The following ARHGEF1 variants were observed in gnomAD, a reference collection of about 807,000 sequenced individuals.
ARHGEF1 encodes 115 kDa guanine nucleotide exchange factor.
In ARHGEF1, 40 loss-of-function variants were observed where a neutral mutation model predicts 119.7. The ratio of observed to expected loss-of-function variants is 0.33; its 90% CI spans 0.26 to 0.44. ARHGEF1 has a LOEUF of 0.44. Ranked by LOEUF, ARHGEF1 falls within the 20% of genes least tolerant of loss-of-function variation. The pLI is 1.00. For synonymous variants in ARHGEF1, 494 were observed against 521.0 expected (o/e 0.95, Z 0.71); for missense variants, 976 against 1,268.3 (o/e 0.77, Z 3.50).
chr19:41,913,791 C>T (rs2074768979), intron 18 of ARHGEF1, among the ~76,000 whole-genome samples: 1 of 149,394 alleles, frequency 6.7e-6, no homozygotes, highest in African/African-American at 2.5e-5. Context: ...CCTCTTATGG[C>T]GCCTCCCCTC....
chr19:41,890,366 GC>G (rs1555845994), intron 4 of ARHGEF1: 2 of 151,342 alleles, frequency 1.3e-5, no homozygotes, highest in Non-Finnish European at 2.9e-5. Context: ...AAAAAGTGGG[GC>G]CGGGCATGGT....
intron 1 of ARHGEF1, chr19:41,884,537 A>G: frequency 1.2e-6 from 2 of 1,601,786 alleles, no homozygotes; most frequent in Non-Finnish European, 1.7e-6. Flanking sequence ...CTGACTCTGC[A>G]CGTCCTCCCC....
chr19:41,919,271 C>T (rs2145901603), upstream of ARHGEF1, among the ~76,000 whole-genome samples: 1 of 152,250 alleles, frequency 6.6e-6, no homozygotes, highest in East Asian at 1.9e-4. Flanking sequence ...CACAGGGTGA[C>T]ACCAGAAACA....
intron 18 of ARHGEF1, among the ~76,000 whole-genome samples, chr19:41,915,138 A>G (rs1454124058): frequency 1.2e-4 from 2 of 16,594 alleles, no homozygotes; most frequent in Admixed American, 4.8e-4. Flanking sequence ...CCCCGCCCCC[A>G]CCCCCTATTG....
At chr19:41,898,684 T>C in intron 14 of ARHGEF1, 97 bp downstream of exon 14, 1 of 1,424,460 alleles carries the variant, frequency 7.0e-7, no homozygotes, top group South Asian at 1.4e-5. Context: ...CTTGGTGTCA[T>C]TTACCATCGG....
chr19:41,922,741 G>C (rs532484646), upstream of ARHGEF1, among the ~76,000 whole-genome samples: 1 of 152,168 alleles, frequency 6.6e-6, no homozygotes, highest in African/African-American at 2.4e-5. Context: ...GGCTGGGGGG[G>C]ACTCAGGGCT....
chr19:41,910,814 G>A (rs1393160489), downstream of ARHGEF1, among the ~76,000 whole-genome samples: 1 of 152,090 alleles, frequency 6.6e-6, no homozygotes, highest in Non-Finnish European at 1.5e-5. This position sits in a 1 kb window ranked among gnomAD's most constrained non-coding sequence, Gnocchi z 4.4. Context: ...TGGGACACAG[G>A]CACACCGGAG....
At chr19:41,923,964 G>A (rs1327254813) in intron 1 of ARHGEF1, among the ~76,000 whole-genome samples, 1 of 89,828 alleles carries the variant, frequency 1.1e-5, no homozygotes, top group Non-Finnish European at 2.3e-5. Context: ...CTGTGCTGGG[G>A]GGAGGTAGGG....
downstream of ARHGEF1, among the ~76,000 whole-genome samples, chr19:41,910,504 G>A (rs554763264): frequency 7.9e-5 from 12 of 152,138 alleles, no homozygotes; most frequent in Admixed American, 1.3e-4. The surrounding 1 kb of genome is among the most constrained non-coding windows in gnomAD (Gnocchi z 4.4). Flanking sequence ...TGTACCCTGC[G>A]GTGCCCTCAG....
intron 1 of ARHGEF1, chr19:41,884,351 TG>T: frequency 7.0e-7 from 1 of 1,437,716 alleles, no homozygotes; most frequent in African/African-American, 1.4e-5. Context: ...CTAGAGCGGC[TG>T]GCAGGAGGAG....
At position 41,904,141 on chromosome 19, in the gene ARHGEF1, G is replaced by A. The variant is rs1555849625; in HGVS notation, c.1993+31G>A. On this transcript the variant is annotated intron_variant, in intron 21 of 28. Transcript: ENST00000354532. The surrounding 1 kb of genome is among the most constrained non-coding windows in gnomAD (Gnocchi z 8.4). ...TGCCAGAGCAGCTGCCTAGTGCAGGGTGTTGGGGCAGTGAGCCAAGGGCGG... is the reference window on the plus strand; with the variant it reads ...TGCCAGAGCAGCTGCCTAGTGCAGGATGTTGGGGCAGTGAGCCAAGGGCGG... The A allele has an allele frequency of 6.2e-7, 1 of 1,613,950 alleles. No homozygotes were observed. Among genetic ancestry groups the A allele is most frequent in the Admixed American group, 1.7e-5 (1 of 60,034 alleles).
Position 41,883,994 on chromosome 19 carries a change from AGG to A in ARHGEF1, c.-20+708_-20+709del, listed in dbSNP as rs1207872586. Among the ~76,000 whole-genome samples, 1 of 152,062 alleles carries A rather than the reference AGG, an allele frequency of 6.6e-6. No individual in the cohort carries two copies. Among genetic ancestry groups the A allele is most frequent in the African/African-American group, 2.4e-5 (1 of 41,408 alleles). ...CTATTGCTTTTCCGGTTCCAAAGGA[AGG>A]GGCTGGGGGTGGGAGACGGAGGGGA... On this transcript the variant is annotated intron_variant, in intron 1 of 28. Coordinates refer to ENST00000354532, the MANE Select transcript of ARHGEF1 (RefSeq NM_004706.4). The surrounding 1 kb of genome is among the most constrained non-coding windows in gnomAD (Gnocchi z 7.6).
intron 1 of ARHGEF1, chr19:41,884,302 G>A: frequency 1.0e-6 from 1 of 974,672 alleles, no homozygotes; most frequent in South Asian, 1.5e-5. Context: ...CCGGCGGGAG[G>A]AGTAGAGTCG....
At chr19:41,920,156 A>G (rs1421658630), upstream of ARHGEF1, among the ~76,000 whole-genome samples, 6 of 122,748 alleles carry the variant, frequency 4.9e-5, no homozygotes, top group Admixed American at 8.2e-5. Flanking sequence ...ACACGCCCAG[A>G]CATGATGCAC....
Position 41,896,862 on chromosome 19 carries a change from TAC to T in ARHGEF1, c.1121+381_1121+382del, listed in dbSNP as rs1555847827. On this transcript the variant is annotated intron_variant, in intron 13 of 28. Transcript: ENST00000354532. ...CTCACCTCCCCCCTCCTCTCTCACCTACCCCCTCCTCTCACCTCCCCGCTCCT... is the reference window on the plus strand; with the variant it reads ...CTCACCTCCCCCCTCCTCTCTCACCTCCCCTCCTCTCACCTCCCCGCTCCT... 1.6e-3 allele frequency: 362 copies of T among 232,830 alleles called. 7 individuals are homozygous for T. The highest frequency in any genetic ancestry group is 0.014 in the African/African-American group (141 of 10,244). 14.4% of individuals were successfully genotyped at this position (232,830 alleles called of 1,614,324 possible). A position where few individuals can be genotyped will look rare whatever the true frequency, so the allele number is the denominator to read the frequency against.
chr19:41,888,132 G>A lies in ARHGEF1; in HGVS notation c.24+26G>A, dbSNP rs149497626. 61 of 1,613,932 alleles carry A rather than the reference G, an allele frequency of 3.8e-5. No individual in the cohort carries two copies. In the African/African-American group the frequency reaches 7.6e-4, roughly 20 times the overall value. ...GTGAGTGGACAGAGCAAGGGGTGAG[G>A]CGACTCTGGGGCTGTGGGTGGAGAG... On this transcript the variant is annotated intron_variant, in intron 2 of 28. Transcript: ENST00000354532. The surrounding 1 kb of genome is among the most constrained non-coding windows in gnomAD (Gnocchi z 5.1).
At chr19:41,920,405 C>T (rs182834904), upstream of ARHGEF1, among the ~76,000 whole-genome samples, 1 of 138,328 alleles carries the variant, frequency 7.2e-6, no homozygotes, top group East Asian at 2.2e-4. Context: ...AGATGTGACA[C>T]ACTCACAGAC....
upstream of ARHGEF1, among the ~76,000 whole-genome samples, chr19:41,920,943 G>A (rs1250944205): frequency 1.3e-5 from 2 of 152,166 alleles, no homozygotes; most frequent in African/African-American, 2.4e-5. Flanking sequence ...CTCTGCCTCC[G>A]GCCCTGTGTG....
downstream of ARHGEF1, among the ~76,000 whole-genome samples, chr19:41,911,973 T>C (rs1225421327): frequency 1.4e-5 from 2 of 144,730 alleles, no homozygotes; most frequent in Non-Finnish European, 3.0e-5. Context: ...CAGGGATGCA[T>C]CCCCCCCACA....
Sources: gnomAD v4.1 joint callset for allele counts (sites outside exome capture counted in the v4.1 genomes callset) on GRCh38, gnomAD v4.1.1 for gene constraint, Gnocchi (gnomAD v3.1) non-coding constraint, MANE v1.5 for transcripts, NCBI Gene and HGNC (gene_info 2026-07-23, HGNC 2026-07-21) for gene names.